Variants in CAST observed in about 807,000 individuals in gnomAD.
The protein encoded by CAST is MIR583 host.
A neutral mutation model predicts 119.6 loss-of-function variants in CAST; 76 were observed. That is an observed-to-expected ratio of 0.64 (90% CI 0.53 to 0.77). CAST has a LOEUF of 0.77. Ranked by LOEUF, CAST falls within the 30% of genes least tolerant of loss-of-function variation. The pLI is 0.00. For missense variants in CAST, 953 were observed against 946.5 expected (o/e 1.01, Z -0.09); for synonymous variants, 319 against 331.6 (o/e 0.96, Z 0.41).
the CAST span, chr5:96,412,547 A>C: frequency 6.9e-7 from 1 of 1,457,576 alleles, no homozygotes; most frequent in East Asian, 2.3e-5. Context: ...GTACATGGAC[A>C]AAAGCCCAAT....
chr5:96,248,062 C>T, the CAST span: 1 of 152,228 alleles, frequency 6.6e-6, no homozygotes, highest in Admixed American at 6.5e-5. Context: ...GTGAGAAGGG[C>T]TTCATCTTGG....
chr5:96,040,601 A>G, the CAST span, among the ~76,000 whole-genome samples: 8 of 152,112 alleles, frequency 5.3e-5, no homozygotes, highest in Admixed American at 6.6e-5. Flanking sequence ...AAATTTTGTC[A>G]AAGGCCTTTT....
the CAST span, among the ~76,000 whole-genome samples, chr5:96,235,071 T>C: frequency 1.3e-5 from 2 of 152,174 alleles, no homozygotes; most frequent in African/African-American, 2.4e-5. Flanking sequence ...CAACTAGTAG[T>C]GTCTGCCACA....
intron 1 of CAST, among the ~76,000 whole-genome samples, chr5:96,536,394 A>G (rs1745815515): frequency 6.6e-6 from 1 of 152,176 alleles, no homozygotes; most frequent in African/African-American, 2.4e-5. Flanking sequence ...CAGTGGAACA[A>G]CAGTATCCAA....
intron 1 of CAST, among the ~76,000 whole-genome samples, chr5:96,637,257 TAAGGGGTAGTTCC>T (rs1747899314): frequency 6.6e-6 from 1 of 152,194 alleles, no homozygotes; most frequent in Admixed American, 6.5e-5. Flanking sequence ...AGCAACCATA[TAAGGGGTAGTTCC>T]ATTTCACAAA....
At chr5:96,760,760 C>T (rs6871449) in intron 24 of CAST, 14,239 of 151,866 alleles carry the variant, frequency 0.094, 796 homozygotes, top group African/African-American at 0.14. Flanking sequence ...GAAGGCCATA[C>T]ATTAAGTCAG....
the CAST span, among the ~76,000 whole-genome samples, chr5:96,155,475 A>G: frequency 6.6e-6 from 1 of 152,144 alleles, no homozygotes; most frequent in Non-Finnish European, 1.5e-5. Flanking sequence ...AGAAAACAAA[A>G]TTTCCCTTTT....
At chr5:96,666,398 T>C (rs929982426) in intron 1 of CAST, among the ~76,000 whole-genome samples, 1 of 152,244 alleles carries the variant, frequency 6.6e-6, no homozygotes, top group African/African-American at 2.4e-5. Context: ...CAGTTGATTC[T>C]ATTAGACTAT....
the CAST span, among the ~76,000 whole-genome samples, chr5:96,500,604 A>G: frequency 2.0e-5 from 3 of 152,182 alleles, no homozygotes; most frequent in African/African-American, 7.2e-5. Context: ...TCAGTTTCAG[A>G]TATTGCTTTT....
At chr5:96,321,940 A>T in the CAST span, among the ~76,000 whole-genome samples, 1 of 152,208 alleles carries the variant, frequency 6.6e-6, no homozygotes, top group Admixed American at 6.5e-5. Flanking sequence ...AAATGACACA[A>T]ACCCAACAAG....
chr5:96,351,342 G>A, the CAST span, among the ~76,000 whole-genome samples: 2 of 152,228 alleles, frequency 1.3e-5, no homozygotes, highest in East Asian at 1.9e-4. Flanking sequence ...GGTGGCATGC[G>A]TGTCCTTTTC....
the CAST span, among the ~76,000 whole-genome samples, chr5:96,327,176 TAATA>T: frequency 2.0e-5 from 3 of 152,316 alleles, no homozygotes; most frequent in African/African-American, 7.2e-5. Flanking sequence ...AAAGTGGTAA[TAATA>T]ATAACACCTG....
At chr5:95,964,516 G>A in the CAST span, among the ~76,000 whole-genome samples, 3 of 152,146 alleles carry the variant, frequency 2.0e-5, no homozygotes, top group African/African-American at 4.8e-5. Flanking sequence ...TAATTTGGAC[G>A]GTGTTGGTGA....
At position 96,766,155 on chromosome 5, in the gene CAST, G is replaced by A. The variant is rs776907239; in HGVS notation, c.2130+10G>A. On this transcript the variant is annotated intron_variant, in intron 27 of 31. Coordinates refer to ENST00000675179, the MANE Select transcript of CAST (RefSeq NM_001750.7). Reference sequence around the variant, plus strand: ...GGATGATAATGGACAGGTAAACTGAGGCAAATTGCTAGATCGGATTTATGC... The same window carrying A: ...GGATGATAATGGACAGGTAAACTGAAGCAAATTGCTAGATCGGATTTATGC... 6.7e-7 allele frequency: 1 copy of A among 1,484,446 alleles called. No homozygotes were observed. The highest frequency in any genetic ancestry group is 1.2e-5 in the South Asian group (1 of 86,336). 92.0% of individuals were successfully genotyped at this position (1,484,446 alleles called of 1,614,324 possible).
At chr5:96,705,457 G>T (rs1019316078) in intron 3 of CAST, among the ~76,000 whole-genome samples, 1 of 151,972 alleles carries the variant, frequency 6.6e-6, no homozygotes, top group Non-Finnish European at 1.5e-5. Context: ...ATGGCTTCTG[G>T]ACAAATCTGT....
chr5:96,425,064 GAAA>G, the CAST span, among the ~76,000 whole-genome samples: 28 of 137,664 alleles, frequency 2.0e-4, no homozygotes, highest in Admixed American at 1.1e-3. Flanking sequence ...AAGAAAGAAA[GAAA>G]GAAAGAAAAC....
At chr5:96,306,881 A>G in the CAST span, among the ~76,000 whole-genome samples, 3 of 152,130 alleles carry the variant, frequency 2.0e-5, no homozygotes, top group African/African-American at 4.8e-5. Context: ...TATGTGGTCA[A>G]TTTTAGAATC....
chr5:96,335,064 C>T, the CAST span, among the ~76,000 whole-genome samples: 1 of 152,170 alleles, frequency 6.6e-6, no homozygotes, highest in African/African-American at 2.4e-5. Flanking sequence ...CACAGCCATC[C>T]TCCCTCTTGA....
chr5:96,554,656 T>C (rs1746199346), intron 1 of CAST, among the ~76,000 whole-genome samples: 2 of 152,124 alleles, frequency 1.3e-5, no homozygotes, highest in Non-Finnish European at 2.9e-5. Flanking sequence ...ATCTATCCTT[T>C]TGACAAAGGG....
Sources: allele counts gnomAD v4.1 joint callset (sites outside exome capture counted in the v4.1 genomes callset), GRCh38; gene constraint gnomAD v4.1.1; transcripts MANE v1.5; gene names NCBI Gene and HGNC (gene_info 2026-07-23, HGNC 2026-07-21).